The following DZIP1 variants were observed in gnomAD, a reference collection of about 807,000 sequenced individuals.
DZIP1 encodes DAZ interacting zinc finger protein 1, also known as cilium assembly protein DZIP1.
DZIP1 carries 97 observed loss-of-function variants against 107.6 expected under a neutral mutation model. The observed-to-expected ratio is 0.90, with a 90% CI of 0.77 to 1.07. The LOEUF (loss-of-function observed/expected upper bound fraction) is 1.07. DZIP1 is among the 50% of genes least tolerant of loss of function. DZIP1 has a pLI of 0.00. For synonymous variants in DZIP1, 390 were observed against 386.4 expected (o/e 1.01, Z -0.11); for missense variants, 1,035 against 1,063.6 (o/e 0.97, Z 0.37).
At chr13:95,608,106 G>C (rs2044840584) in intron 13 of DZIP1, among the ~76,000 whole-genome samples, 1 of 152,168 alleles carries the variant, frequency 6.6e-6, no homozygotes, top group African/African-American at 2.4e-5. Context: ...AGAGGAATGG[G>C]ACAAGCCAGG....
intron 13 of DZIP1, among the ~76,000 whole-genome samples, chr13:95,606,654 A>G (rs139047020): frequency 6.6e-6 from 1 of 152,358 alleles, no homozygotes; most frequent in African/African-American, 2.4e-5. Context: ...TGATGGACAT[A>G]TAAGTTGTTT....
chr13:95,629,399 CA>C (rs1220609539), intron 7 of DZIP1, among the ~76,000 whole-genome samples: 1 of 152,118 alleles, frequency 6.6e-6, no homozygotes, highest in African/African-American at 2.4e-5. Context: ...TGGGCTGACA[CA>C]AGGGTCACAT....
At chr13:95,630,182 A>G (rs1877028834) in intron 6 of DZIP1, 69 bp from the exon 7 acceptor site, 1 of 1,502,766 alleles carries the variant, frequency 6.7e-7, no homozygotes, top group African/African-American at 1.4e-5. Flanking sequence ...TATGGGGTAC[A>G]GTCCTGTTGA....
intron 20 of DZIP1, among the ~76,000 whole-genome samples, chr13:95,586,596 T>C (rs1052659389): frequency 6.6e-6 from 1 of 151,964 alleles, no homozygotes; most frequent in East Asian, 1.9e-4. Flanking sequence ...GGAATATTCA[T>C]ATGGGTATTT....
intron 5 of DZIP1, among the ~76,000 whole-genome samples, chr13:95,637,932 TTA>T (rs1488210659): frequency 6.6e-6 from 1 of 152,146 alleles, no homozygotes; most frequent in Non-Finnish European, 1.5e-5. Flanking sequence ...TAAAAATATT[TTA>T]TATGTTCATA....
chr13:95,584,581 T>C, intron 22 of DZIP1, 155 bp downstream of exon 22: 2 of 1,374,760 alleles, frequency 1.5e-6, no homozygotes, highest in Non-Finnish European at 1.9e-6. Flanking sequence ...CAGTGAGTTA[T>C]GCATATCCAA....
intron 14 of DZIP1, among the ~76,000 whole-genome samples, chr13:95,603,088 G>A (rs548750905): frequency 1.1e-4 from 17 of 152,210 alleles, no homozygotes; most frequent in African/African-American, 4.1e-4. Flanking sequence ...GGAAGGCTGA[G>A]GTGGGAGGAT....
intron 9 of DZIP1, 117 bp from the exon 10 acceptor site, chr13:95,620,064 T>A: frequency 9.0e-7 from 1 of 1,109,498 alleles, no homozygotes; most frequent in Non-Finnish European, 1.3e-6. Flanking sequence ...GGTAAAATTT[T>A]AGCTAGTGAA....
intron 17 of DZIP1, 31 bp from the exon 18 acceptor site, chr13:95,589,963 T>C: frequency 6.2e-7 from 1 of 1,607,462 alleles, no homozygotes; most frequent in Non-Finnish European, 8.5e-7. Context: ...TGAGTCTCCA[T>C]TACCTTTATG....
intron 10 of DZIP1, among the ~76,000 whole-genome samples, chr13:95,613,704 C>T (rs987257212): frequency 6.6e-6 from 1 of 152,162 alleles, no homozygotes; most frequent in African/African-American, 2.4e-5. Context: ...GTACTAGATG[C>T]ACTTCATTTT....
At chr13:95,584,664 G>A (rs1284563489) in intron 22 of DZIP1, 72 bp downstream of exon 22, 1 of 1,529,052 alleles carries the variant, frequency 6.5e-7, no homozygotes, top group East Asian at 2.3e-5. Flanking sequence ...AAGTTAATTA[G>A]ATATTTATAA....
intron 15 of DZIP1, among the ~76,000 whole-genome samples, chr13:95,595,719 C>A (rs995370853): frequency 1.3e-5 from 2 of 151,812 alleles, no homozygotes; most frequent in Non-Finnish European, 2.9e-5. Flanking sequence ...AATAGACATA[C>A]CCCCTACCCC....
intron 5 of DZIP1, among the ~76,000 whole-genome samples, chr13:95,638,496 G>A (rs188384096): frequency 2.6e-5 from 4 of 152,148 alleles, no homozygotes; most frequent in East Asian, 1.9e-4. Flanking sequence ...TTTGAAAATC[G>A]ATGAGATTTT....
rs778194335 is a variant in DZIP1 at position 95,641,418 on chromosome 13, C to T, written c.474G>A (p.Gln158=). 6.2e-7 allele frequency: 1 copy of T among 1,614,172 alleles called. No homozygotes were observed. Among genetic ancestry groups the T allele is most frequent in the Non-Finnish European group, 8.5e-7 (1 of 1,180,000 alleles). ...CCTGCTTGGTGAGCAGCTTCTTGCT[C>T]TGCTCGCCGTCGCAGTGGCTCAGGC... ...RLRLSHCDGE[Q]SKKLLTKQAG... is the part of the protein sequence containing the mutation. The change falls in exon 5 of 23, where the codon CAG becomes CAA. Residue 158 remains glutamine (Q), a synonymous_variant. Transcript: ENST00000376829. The surrounding 1 kb of genome is among the most constrained non-coding windows in gnomAD (Gnocchi z 4.3).
intron 12 of DZIP1, 75 bp downstream of exon 12, chr13:95,611,370 G>T: frequency 1.8e-6 from 2 of 1,137,834 alleles, no homozygotes; most frequent in Non-Finnish European, 2.7e-6. Flanking sequence ...AACAAGTGGG[G>T]CCCACATTCT....
chr13:95,589,813 A>G lies in DZIP1; in HGVS notation c.1963T>C (p.Ser655Pro). 6.2e-7 allele frequency: 1 copy of G among 1,613,744 alleles called. No individual in the cohort carries two copies. Among genetic ancestry groups the G allele is most frequent in the Non-Finnish European group, 8.5e-7 (1 of 1,179,824 alleles). ...GGCTGAAATACTCACTTTGGAACAG[A>G]TGTCCTATCAGTAGAAACAGCTTTT... Reference protein sequence around the residue: ...RQKAVSTDRTSVPKIKKNVME... With the variant: ...RQKAVSTDRTPVPKIKKNVME... Residue 655 changes from serine to proline, a missense_variant, in exon 18 of 23, where the codon TCT becomes CCT. By Grantham distance (74) the Ser-to-Pro change is moderately conservative. Transcript: ENST00000376829.
chr13:95,630,830 C>T lies in DZIP1; in HGVS notation c.686-717G>A, dbSNP rs764099199. The T allele has an allele frequency of 2.1e-5, 21 of 983,046 alleles. 1 individual carries two copies. The highest frequency in any genetic ancestry group is 7.0e-5 in the Admixed American group (3 of 42,968). The allele number at this position is 983,046 out of a possible 1,614,324, so 60.9% of individuals were successfully genotyped here. ...AAAGATGACCTGAAGAAATAATACT[C>T]GTTTCAGAGTCTGAAACCCTCTCTG... On this transcript the variant is annotated intron_variant, in intron 6 of 22. Transcript: ENST00000376829.
chr13:95,592,526 C>T (rs984358102), intron 16 of DZIP1, among the ~76,000 whole-genome samples: 1 of 152,194 alleles, frequency 6.6e-6, no homozygotes, highest in African/African-American at 2.4e-5. Context: ...AACTCTCAAA[C>T]ACCGTTAGGG....
At chr13:95,597,127 T>C (rs571278199) in intron 15 of DZIP1, among the ~76,000 whole-genome samples, 1 of 152,288 alleles carries the variant, frequency 6.6e-6, no homozygotes, top group African/African-American at 2.4e-5. Flanking sequence ...CAAACTACCA[T>C]CTTACATTGA....
Sources: gnomAD v4.1 joint callset for allele counts (sites outside exome capture counted in the v4.1 genomes callset) on GRCh38, gnomAD v4.1.1 for gene constraint, Gnocchi (gnomAD v3.1) non-coding constraint, MANE v1.5 for transcripts, NCBI Gene and HGNC (gene_info 2026-07-23, HGNC 2026-07-21) for gene names.